The following TRPM1 variants were observed in gnomAD, a reference collection of about 807,000 sequenced individuals.
The protein encoded by TRPM1 is transient receptor potential cation channel subfamily M member 1, also known as TRPM1-203 APA Isoform, Intron 10.
TRPM1 carries 113 observed loss-of-function variants against 149.4 expected under a neutral mutation model. That is an observed-to-expected ratio of 0.76 (90% CI 0.65 to 0.88). The LOEUF is 0.88. Among genes scored for constraint, TRPM1 ranks in the 40% least tolerant of loss-of-function variants. The pLI, the probability that TRPM1 is intolerant of heterozygous loss-of-function variation, is 0.00. For synonymous variants in TRPM1, 741 were observed against 759.5 expected (o/e 0.98, Z 0.40); for missense variants, 1,976 against 2,038.7 (o/e 0.97, Z 0.59).
chr15:31,139,259 C>T (rs2036128433), intron 1 of TRPM1, among the ~76,000 whole-genome samples: 1 of 152,184 alleles, frequency 6.6e-6, no homozygotes, highest in Admixed American at 6.5e-5. Flanking sequence ...GTGCCTTTGA[C>T]ATGTAAATTT....
In TRPM1 at chr15:31,002,068, G is replaced by A. The variant is rs777389394; in HGVS notation, c.4632C>T (p.Ser1544=). 4 of 1,614,098 alleles carry A rather than the reference G, an allele frequency of 2.5e-6. No homozygotes were observed. Among genetic ancestry groups the A allele is most frequent in the Non-Finnish European group, 3.4e-6 (4 of 1,180,046 alleles). ...TCCCATTTCTGTCAGTAATGGTTAG[G>A]GACAAGCGAGGGATTCGAGGAATTG... ...AEAIPRIPRL[S]LTITDRNGME... Residue 1544 remains serine (S), a synonymous_variant, in exon 28 of 28, where the codon TCC becomes TCT. Coordinates refer to ENST00000256552, the MANE Select transcript of TRPM1 (RefSeq NM_001252024.2).
Position 31,059,646 on chromosome 15 carries a change from A to G in TRPM1, c.1263+898T>C, listed in dbSNP as rs150110877. ...GGTCTTGAACTCCTGGCCTCAAGCA[A>G]TCCTCCCAAATCGGCCTCCCAAAGT... On this transcript the variant is annotated intron_variant, in intron 11 of 27. Transcript: ENST00000256552. Among the ~76,000 whole-genome samples, 229 of 152,202 alleles carry G rather than the reference A, an allele frequency of 1.5e-3. 1 individual carries two copies. Among genetic ancestry groups the G allele is most frequent in the African/African-American group, 4.8e-3 (200 of 41,514 alleles).
At chr15:31,070,908 A>T (rs189091499) in intron 3 of TRPM1, among the ~76,000 whole-genome samples, 1 of 152,308 alleles carries the variant, frequency 6.6e-6, no homozygotes, top group Admixed American at 6.5e-5. Flanking sequence ...CACTCAAGTA[A>T]TGCTAAAAGG....
chr15:31,026,815 T>G, intron 26 of TRPM1, 100 bp downstream of exon 26: 1 of 1,282,810 alleles, frequency 7.8e-7, no homozygotes, highest in Non-Finnish European at 1.1e-6. Flanking sequence ...GTGGTGCTTT[T>G]CACACGAGCA....
intron 1 of TRPM1, among the ~76,000 whole-genome samples, chr15:31,114,634 G>T (rs765743027): frequency 1.2e-4 from 18 of 152,210 alleles, no homozygotes; most frequent in Non-Finnish European, 1.5e-5. Flanking sequence ...AAAGGCAGCT[G>T]ACCTCTCAAC....
rs933828628 is a variant in TRPM1, at chr15:31,067,727, C to A, written c.493+152G>T. ...TTAAGAGTCATATCAAAGTAAAAAA[C>A]ACAAGCTAGGGAATAAAGACTTCAC... On this transcript the variant is annotated intron_variant, in intron 5 of 27. Coordinates refer to ENST00000256552, the MANE Select transcript of TRPM1 (RefSeq NM_001252024.2). 4 of 772,432 alleles carry A rather than the reference C, an allele frequency of 5.2e-6. No homozygotes were observed. The African/African-American group carries it at 5.2e-5, about 10-fold the overall frequency. The allele number at this position is 772,432 out of a possible 1,614,324, so 47.8% of individuals were successfully genotyped here.
In TRPM1 at chr15:31,003,747, G is replaced by A. The variant is rs550683346; in HGVS notation, c.3630-677C>T. 3.9e-5 allele frequency among the ~76,000 whole-genome samples: 6 copies of A among 152,262 alleles called. No homozygotes were observed. The South Asian group carries it at 1.0e-3, about 26-fold the overall frequency. ...TTAAAGGATAGTAGGTGATTTAATT[G>A]TCTGAAGAATACCAAAAACTTTAAA... On this transcript the variant is annotated intron_variant, in intron 27 of 27. Coordinates refer to ENST00000256552, the MANE Select transcript of TRPM1 (RefSeq NM_001252024.2).
At chr15:31,088,372 C>T (rs10438316) in intron 1 of TRPM1, among the ~76,000 whole-genome samples, 125,665 of 152,190 alleles carry the variant, frequency 0.83, 52,398 homozygotes, top group East Asian at 0.98. Flanking sequence ...GTTCTTTCTC[C>T]CTTGGCAATA....
chr15:31,037,883 A>C (rs1174964667), intron 19 of TRPM1, 41 bp from the exon 20 acceptor site: 13 of 1,613,964 alleles, frequency 8.1e-6, no homozygotes, highest in Non-Finnish European at 1.1e-5. Flanking sequence ...AGGTGGCTAA[A>C]TGGGAAATGC....
chr15:31,158,321 G>A (rs2036403054), intron 1 of TRPM1, among the ~76,000 whole-genome samples: 1 of 152,000 alleles, frequency 6.6e-6, no homozygotes, highest in Non-Finnish European at 1.5e-5. Flanking sequence ...CAAAGTAAAA[G>A]CAAGTTTATT....
Position 31,042,218 on chromosome 15 carries a change from T to C in TRPM1, c.1820A>G (p.Lys607Arg), listed in dbSNP as rs753959724. Reference protein sequence around the residue: ...MEDDEPPAKGKKKKKKKKEEE... With the variant: ...MEDDEPPAKGRKKKKKKKEEE... ...CTCCTTTTTCTTCTTTTTCTTTTTC[T>C]TCCCTTTAGCTGGAGGCTCATCATC... Residue 607 changes from lysine (K) to arginine (R), a missense_variant, in exon 17 of 28, where the codon AAG becomes AGG. Transcript: ENST00000256552. The C allele has an allele frequency of 1.1e-5, 18 of 1,593,292 alleles. No homozygotes were observed. In the South Asian group the frequency reaches 1.6e-4, roughly 14 times the overall value.
chr15:31,046,459 A>T (rs2033766768), intron 15 of TRPM1, among the ~76,000 whole-genome samples: 1 of 152,242 alleles, frequency 6.6e-6, no homozygotes, highest in South Asian at 2.1e-4. Flanking sequence ...CGTGGCCCTT[A>T]TTCCAGGTAG....
chr15:31,081,372 G>T lies in TRPM1; in HGVS notation c.-17C>A. ...ATTAACCATGAGTTTTCAAAAAGTTGATATAAGGAAATAGCCTCAGTCCAG... is the reference window on the plus strand; with the variant it reads ...ATTAACCATGAGTTTTCAAAAAGTTTATATAAGGAAATAGCCTCAGTCCAG... On this transcript the variant is annotated 5_prime_UTR_variant, in exon 2 of 28. Coordinates refer to ENST00000256552, the MANE Select transcript of TRPM1 (RefSeq NM_001252024.2). The T allele has an allele frequency of 2.0e-6, 3 of 1,534,164 alleles. No homozygotes were observed. Among genetic ancestry groups the T allele is most frequent in the Non-Finnish European group, 2.6e-6 (3 of 1,145,866 alleles).
chr15:31,080,612 C>T (rs1346147237), intron 2 of TRPM1, among the ~76,000 whole-genome samples: 1 of 149,004 alleles, frequency 6.7e-6, no homozygotes, highest in South Asian at 2.2e-4. Flanking sequence ...TTCCCTAGCC[C>T]CCAGGCCCCG....
intron 1 of TRPM1, among the ~76,000 whole-genome samples, chr15:31,144,604 T>C (rs1484813263): frequency 6.6e-6 from 1 of 152,190 alleles, no homozygotes; most frequent in Non-Finnish European, 1.5e-5. Flanking sequence ...AGTTTTACTC[T>C]GTTGATCTTT....
Position 31,001,788 on chromosome 15 carries a change from C to T in TRPM1, c.*34G>A. The T allele has an allele frequency of 6.3e-6, 10 of 1,597,422 alleles. No homozygotes were observed. Among genetic ancestry groups the T allele is most frequent in the Non-Finnish European group, 8.5e-6 (10 of 1,175,690 alleles). ...AGATGACACCCATTAGTGGTTCTGA[C>T]TGTTAAAAAAAAAAATTAAAGAAAC... On this transcript the variant is annotated 3_prime_UTR_variant, in exon 28 of 28. Transcript: ENST00000256552.
chr15:31,078,078 A>G (rs1244867058), intron 2 of TRPM1, among the ~76,000 whole-genome samples: 1 of 152,288 alleles, frequency 6.6e-6, no homozygotes, highest in African/African-American at 2.4e-5. Context: ...TAGAGAAACC[A>G]TGGCCGGCGG....
chr15:31,043,287 G>T (rs1018901737), intron 16 of TRPM1, among the ~76,000 whole-genome samples: 12 of 152,156 alleles, frequency 7.9e-5, no homozygotes, highest in African/African-American at 2.7e-4. Flanking sequence ...TCTGCCTCCC[G>T]GGTTCATGCC....
At chr15:31,066,296 G>A (rs1348498993) in intron 6 of TRPM1, 49 bp from the exon 7 acceptor site, 7 of 1,606,898 alleles carry the variant, frequency 4.4e-6, no homozygotes, top group Admixed American at 3.3e-5. Flanking sequence ...TGGATGTTAA[G>A]ACCAACAAGG....
Sources: allele counts gnomAD v4.1 joint callset (sites outside exome capture counted in the v4.1 genomes callset), GRCh38; gene constraint gnomAD v4.1.1; transcripts MANE v1.5; gene names NCBI Gene and HGNC (gene_info 2026-07-23, HGNC 2026-07-21).